SOS2: variants seen among roughly 807,000 people sequenced by gnomAD.
SOS2 encodes the protein son of sevenless homolog 2.
Under a neutral mutation model 148.2 loss-of-function variants are expected in SOS2, and 65 were observed. The observed-to-expected ratio is 0.44, with a 90% CI of 0.36 to 0.54. The LOEUF is 0.54. SOS2 is among the 20% of genes least tolerant of loss of function. The pLI, the probability that SOS2 is intolerant of heterozygous loss-of-function variation, is 0.00. For missense variants in SOS2, 1,341 were observed against 1,590.2 expected (o/e 0.84, Z 2.67); for synonymous variants, 539 against 537.1 (o/e 1.00, Z -0.05).
At chr14:50,229,113 G>A (rs1475903986) in intron 1 of SOS2, among the ~76,000 whole-genome samples, 2 of 152,166 alleles carry the variant, frequency 1.3e-5, no homozygotes, top group Non-Finnish European at 2.9e-5. Flanking sequence ...TGCAAAGAAA[G>A]AGTGAACCTT....
intron 4 of SOS2, among the ~76,000 whole-genome samples, chr14:50,197,999 CTT>C (rs35683627): frequency 2.4e-4 from 33 of 135,028 alleles, no homozygotes; most frequent in Non-Finnish European, 2.4e-4. Context: ...GCTTTGCCAT[CTT>C]TTTTTTTTTT....
chr14:50,130,535 A>T lies in SOS2; in HGVS notation c.3303T>A (p.Ser1101Arg). ...TPPVSASSDL[S>R]VFLDVDLNSS... ...TGTTGAGATCCACATCTAAAAATAC[A>T]CTAAGGTCTGAAGAAGCAGATACTG... Residue 1101 changes from serine (S) to arginine (R), a missense_variant, in exon 20 of 23, where the codon AGT becomes AGA. Physicochemically the swap from Ser to Arg is moderately radical, Grantham distance 110. Coordinates refer to ENST00000216373, the MANE Select transcript of SOS2 (RefSeq NM_006939.4). 1 of 1,614,056 alleles carries T rather than the reference A, an allele frequency of 6.2e-7. No homozygotes were observed. The highest frequency in any genetic ancestry group is 8.5e-7 in the Non-Finnish European group (1 of 1,179,920).
chr14:50,130,028 G>C (rs896560957), intron 20 of SOS2, 26 bp from the exon 21 acceptor site: 1 of 1,481,808 alleles, frequency 6.7e-7, no homozygotes, highest in African/African-American at 1.4e-5. Flanking sequence ...AAATTAATTT[G>C]AAAAGGAAGG....
At chr14:50,213,770 G>T (rs1027475143) in intron 1 of SOS2, among the ~76,000 whole-genome samples, 5 of 152,050 alleles carry the variant, frequency 3.3e-5, no homozygotes, top group African/African-American at 9.6e-5. Context: ...CTTTGAAGTG[G>T]GGGAAGAGAA....
At chr14:50,141,203 CAAAAAAAAAAAA>C (rs71118844) in intron 16 of SOS2, among the ~76,000 whole-genome samples, 15 of 30,588 alleles carry the variant, frequency 4.9e-4, no homozygotes, top group East Asian at 3.5e-3. Flanking sequence ...GACTCTGTCT[CAAAAAAAAAAAA>C]AAAAAAAAAA....
rs576143276 is a variant in SOS2, at chr14:50,173,672, C to A, written c.1068+782G>T. ...TCCTGACCTCATGATCCACCCGCCT[C>A]GGCCTCCCAAAGTGCTGGGATTACA... On this transcript the variant is annotated intron_variant, in intron 8 of 22. Coordinates refer to ENST00000216373, the MANE Select transcript of SOS2 (RefSeq NM_006939.4). Among the ~76,000 whole-genome samples, 6 of 152,248 alleles carry A rather than the reference C, an allele frequency of 3.9e-5. No homozygotes were observed. The East Asian group carries it at 9.7e-4, about 25-fold the overall frequency.
In SOS2 at chr14:50,182,572, A is replaced by G. The variant is rs2139710055; in HGVS notation, c.749T>C (p.Ile250Thr). 1 of 1,606,006 alleles carries G rather than the reference A, an allele frequency of 6.2e-7. No homozygotes were observed. Among genetic ancestry groups the G allele is most frequent in the African/African-American group, 1.3e-5 (1 of 74,918 alleles). ...IEKIFSNISDIHELTVKLLGL... is the reference protein window; with the variant it reads ...IEKIFSNISDTHELTVKLLGL... Reference sequence around the variant, plus strand: ...TAAAAGTTTCACAGTCAATTCATGTATATCTGAAATGTTACTAAAAATCTT... The same window carrying G: ...TAAAAGTTTCACAGTCAATTCATGTGTATCTGAAATGTTACTAAAAATCTT... Residue 250 changes from isoleucine (I) to threonine (T), a missense_variant, in exon 6 of 23, where the codon ATA becomes ACA. By Grantham distance (89) the Ile-to-Thr change is moderately conservative. This residue lies in a region of SOS2 where 574 missense variants were observed against 711.1 expected (regional missense o/e 0.81). Coordinates refer to ENST00000216373, the MANE Select transcript of SOS2 (RefSeq NM_006939.4).
In SOS2 at chr14:50,145,291, A is replaced by T; in HGVS notation, c.2546T>A (p.Val849Glu). Residue 849 changes from valine (V) to glutamate (E), a missense_variant, in exon 16 of 23, where the codon GTA (valine) becomes GAA (glutamate). This residue lies in a region of SOS2 where 408 missense variants were observed against 506.6 expected (regional missense o/e 0.81). Transcript: ENST00000216373. The stretch of plus-strand genomic sequence containing the variant: ...CAGAATTTCTATAATTCTACTTAGT[A>T]CTGCCACCCGTTCTTCAAAATTTTC... ...EAENFEERVA[V>E]LSRIIEILQV... 1 of 1,608,476 alleles carries T rather than the reference A, an allele frequency of 6.2e-7. No individual in the cohort carries two copies.
At chr14:50,207,618 T>A (rs1172380536) in intron 1 of SOS2, among the ~76,000 whole-genome samples, 1 of 151,114 alleles carries the variant, frequency 6.6e-6, no homozygotes, top group Non-Finnish European at 1.5e-5. Flanking sequence ...CAAATAAGAT[T>A]ATACAATCAC....
chr14:50,169,403 A>C (rs1885286040), intron 8 of SOS2, among the ~76,000 whole-genome samples: 1 of 151,942 alleles, frequency 6.6e-6, no homozygotes, highest in Admixed American at 6.6e-5. Flanking sequence ...GGGAGGCCGA[A>C]GGCAGGTGGA....
intron 21 of SOS2, among the ~76,000 whole-genome samples, chr14:50,123,280 T>C (rs951769099): frequency 2.9e-4 from 44 of 151,992 alleles, no homozygotes; most frequent in African/African-American, 1.0e-3. Flanking sequence ...GAATAAGTGA[T>C]GAGGTCTGAC....
intron 21 of SOS2, among the ~76,000 whole-genome samples, chr14:50,120,895 A>AC (rs1350119090): frequency 6.6e-6 from 1 of 151,310 alleles, no homozygotes; most frequent in Non-Finnish European, 1.5e-5. Context: ...ACCCACTACC[A>AC]CCCCCAGCTA....
chr14:50,199,554 TG>T (rs1191495696), intron 4 of SOS2, 136 bp downstream of exon 4: 1 of 464,558 alleles, frequency 2.2e-6, no homozygotes, highest in Non-Finnish European at 3.7e-6. Context: ...ACGGTTACTC[TG>T]TAAAGCCAGG....
chr14:50,214,700 CTTTTTTTTTTT>C (rs755314459), intron 1 of SOS2, among the ~76,000 whole-genome samples: 11 of 131,226 alleles, frequency 8.4e-5, no homozygotes, highest in African/African-American at 1.9e-4. Context: ...AAGGCCGTTT[CTTTTTTTTTTT>C]TTTTTTCTTT....
chr14:50,155,591 TAA>T (rs1884786427), intron 12 of SOS2, among the ~76,000 whole-genome samples: 1 of 152,192 alleles, frequency 6.6e-6, no homozygotes, highest in African/African-American at 2.4e-5. Context: ...TGTATTTTTC[TAA>T]GTCACTTAAG....
intron 8 of SOS2, among the ~76,000 whole-genome samples, chr14:50,168,566 T>C (rs535426449): frequency 6.6e-6 from 1 of 152,312 alleles, no homozygotes; most frequent in East Asian, 1.9e-4. Context: ...GCTCATTTTT[T>C]TAGTCAGCTT....
At chr14:50,135,698 G>A (rs1424375107) in intron 18 of SOS2, among the ~76,000 whole-genome samples, 4 of 124,496 alleles carry the variant, frequency 3.2e-5, no homozygotes, top group South Asian at 4.9e-4. Flanking sequence ...CCAAAGTGCT[G>A]GGATTACAGG....
In SOS2 at chr14:50,140,046, C is replaced by T; in HGVS notation, c.2681G>A (p.Arg894Lys). The change falls in exon 17 of 23, where the codon AGG becomes AAG. Residue 894 changes from arginine (R) to lysine (K), a missense_variant. Physicochemically the swap from Arg to Lys is conservative, Grantham distance 26 (BLOSUM62 2). Coordinates refer to ENST00000216373, the MANE Select transcript of SOS2 (RefSeq NM_006939.4). ...LDHTFEALQERKRKILDEAVE... is the reference protein window; with the variant it reads ...LDHTFEALQEKKRKILDEAVE... Reference sequence around the variant, plus strand: ...AGCTTCGTCCAAAATTTTCCTTTTCCTTTCCTGCAGTGCCTTAAAGTATAC... The same window carrying T: ...AGCTTCGTCCAAAATTTTCCTTTTCTTTTCCTGCAGTGCCTTAAAGTATAC... The T allele has an allele frequency of 6.3e-7, 1 of 1,577,816 alleles. No individual in the cohort carries two copies. The highest frequency in any genetic ancestry group is 8.7e-7 in the Non-Finnish European group (1 of 1,149,684).
chr14:50,183,556 T>C (rs1040262787), intron 5 of SOS2, among the ~76,000 whole-genome samples: 2 of 152,190 alleles, frequency 1.3e-5, no homozygotes, highest in Non-Finnish European at 2.9e-5. Flanking sequence ...ATAGTTTTTT[T>C]AAATCTAAAA....
Sources: allele counts gnomAD v4.1 joint callset (sites outside exome capture counted in the v4.1 genomes callset), GRCh38; gene constraint gnomAD v4.1.1; regional missense constraint gnomAD v4.1.1; transcripts MANE v1.5; gene names NCBI Gene and HGNC (gene_info 2026-07-23, HGNC 2026-07-21).